CTNNA3: variants seen among roughly 807,000 people sequenced by gnomAD.
The protein encoded by CTNNA3 is catenin alpha 3.
A neutral mutation model predicts 95.7 loss-of-function variants in CTNNA3; 76 were observed. That is an observed-to-expected ratio of 0.79 (90% CI 0.66 to 0.96). CTNNA3 has a LOEUF of 0.96. CTNNA3 is among the 40% of genes least tolerant of loss of function. The pLI is 0.00. For synonymous variants in CTNNA3, 431 were observed against 374.4 expected, an observed-to-expected ratio of 1.15 and a Z score of -1.74; for missense variants, 1,191 against 1,089.8, an observed-to-expected ratio of 1.09 and a Z score of -1.31.
intron 7 of CTNNA3, among the ~76,000 whole-genome samples, chr10:66,918,911 A>T (rs1243054556): frequency 1.3e-5 from 2 of 151,966 alleles, no homozygotes; most frequent in African/African-American, 4.8e-5. Context: ...TGAGGCGGGC[A>T]GATCACAAGG....
intron 13 of CTNNA3, among the ~76,000 whole-genome samples, chr10:66,242,783 G>A (rs1320403685): frequency 6.6e-6 from 1 of 152,070 alleles, no homozygotes; most frequent in Non-Finnish European, 1.5e-5. Context: ...ATTTAAGCAG[G>A]AGAAATAAAA....
chr10:67,280,986 A>G (rs1458335869), intron 5 of CTNNA3, among the ~76,000 whole-genome samples: 2 of 152,158 alleles, frequency 1.3e-5, no homozygotes, highest in African/African-American at 4.8e-5. Context: ...GTCAATCATC[A>G]AAACATCAGA....
chr10:67,254,868 G>A (rs1278654831), intron 5 of CTNNA3, among the ~76,000 whole-genome samples: 1 of 152,144 alleles, frequency 6.6e-6, no homozygotes, highest in Admixed American at 6.5e-5. Context: ...GTTTTACAAT[G>A]AAATCGCCTA....
At chr10:66,277,720 G>C (rs2091424661) in intron 13 of CTNNA3, among the ~76,000 whole-genome samples, 1 of 152,124 alleles carries the variant, frequency 6.6e-6, no homozygotes, top group African/African-American at 2.4e-5. Context: ...GGGGTATAGA[G>C]ATAGAGACGA....
chr10:66,685,228 TAC>T lies in CTNNA3; in HGVS notation c.1282-63446_1282-63445del, dbSNP rs200258937. On this transcript the variant is annotated intron_variant, in intron 9 of 17. Transcript: ENST00000433211. ...ATACGTATATATATGTGTATATATATACGTATATATGTGTGTATATATACGTA... is the reference window on the plus strand; with the variant it reads ...ATACGTATATATATGTGTATATATATGTATATATGTGTGTATATATACGTA... Among the ~76,000 whole-genome samples the T allele has an allele frequency of 5.3e-3, 749 of 142,088 alleles. 10 individuals are homozygous for T. The highest frequency in any genetic ancestry group is 0.015 in the Admixed American group (206 of 13,928). The allele number at this position is 142,088 out of a possible 152,430, so 93.2% of individuals were successfully genotyped here. A position where few individuals can be genotyped will look rare whatever the true frequency, so the allele number is the denominator to read the frequency against.
At chr10:65,958,940 G>T (rs891608119) in intron 17 of CTNNA3, among the ~76,000 whole-genome samples, 1 of 152,194 alleles carries the variant, frequency 6.6e-6, no homozygotes, top group Non-Finnish European at 1.5e-5. Flanking sequence ...GGACGTTTAA[G>T]TCTGCAGAAG....
At chr10:66,049,604 A>T (rs2079905993) in intron 15 of CTNNA3, among the ~76,000 whole-genome samples, 1 of 152,236 alleles carries the variant, frequency 6.6e-6, no homozygotes, top group Non-Finnish European at 1.5e-5. Flanking sequence ...ACGTCATACT[A>T]TGAAGCAATA....
intron 7 of CTNNA3, chr10:66,926,451 C>A: frequency 1.0e-6 from 1 of 979,546 alleles, no homozygotes; most frequent in Non-Finnish European, 1.6e-6. Context: ...GTCCATCTCC[C>A]AAGGGGTCCA....
intron 12 of CTNNA3, among the ~76,000 whole-genome samples, chr10:66,324,907 T>TTTTTTTTTTTTTTTTTTTTTTTTTTTG (rs1401214070): frequency 3.3e-5 from 5 of 151,508 alleles, no homozygotes; most frequent in African/African-American, 1.2e-4. Flanking sequence ...ATCATAATTT[T>TTTTTTTTTTTTTTTTTTTTTTTTTTTG]ACAACAAAAC....
intron 5 of CTNNA3, among the ~76,000 whole-genome samples, chr10:67,356,848 C>CTT (rs1334988492): frequency 1.3e-5 from 2 of 152,118 alleles, no homozygotes; most frequent in Non-Finnish European, 2.9e-5. Context: ...CTAAATACAG[C>CTT]TTTCCACCCA....
At chr10:66,445,136 C>T (rs183340121) in intron 11 of CTNNA3, among the ~76,000 whole-genome samples, 126 of 151,970 alleles carry the variant, frequency 8.3e-4, no homozygotes, top group African/African-American at 2.9e-3. Context: ...CCTAAATATA[C>T]ATGCACCCAA....
At chr10:67,294,728 T>C (rs1298979482) in intron 5 of CTNNA3, among the ~76,000 whole-genome samples, 1 of 152,146 alleles carries the variant, frequency 6.6e-6, no homozygotes, top group Non-Finnish European at 1.5e-5. Flanking sequence ...TGATTTGATT[T>C]ATAAAAGTTT....
intron 11 of CTNNA3, among the ~76,000 whole-genome samples, chr10:66,443,295 C>A (rs1409170821): frequency 2.0e-5 from 3 of 152,194 alleles, no homozygotes; most frequent in Admixed American, 2.0e-4. Flanking sequence ...TGTCTGACAG[C>A]TTTGAAGAGA....
At chr10:66,198,991 C>G (rs1239801761) in intron 13 of CTNNA3, among the ~76,000 whole-genome samples, 2 of 152,142 alleles carry the variant, frequency 1.3e-5, no homozygotes, top group African/African-American at 2.4e-5. Context: ...GTGTGAGTAG[C>G]CAGCACTTGA....
At chr10:66,313,569 TA>T (rs1485405962) in intron 12 of CTNNA3, among the ~76,000 whole-genome samples, 2 of 152,192 alleles carry the variant, frequency 1.3e-5, no homozygotes, top group Non-Finnish European at 2.9e-5. Context: ...ACTCTCATCC[TA>T]AATGTCATCC....
At chr10:66,977,067 A>G (rs534023740) in intron 7 of CTNNA3, among the ~76,000 whole-genome samples, 1 of 152,314 alleles carries the variant, frequency 6.6e-6, no homozygotes, top group Admixed American at 6.5e-5. Context: ...TAAAATAATG[A>G]CCTAATATAA....
rs148582831 is a variant in CTNNA3 at position 67,755,131 on chromosome 10, C to T, written c.-2+8303G>A. Among the ~76,000 whole-genome samples the T allele has an allele frequency of 2.2e-4, 34 of 151,516 alleles. No individual in the cohort carries two copies. The East Asian group carries it at 6.4e-3, about 29-fold the overall frequency. ...TCACTTGAGCCCAAGAGTTCAAGGC[C>T]GCGGTGACCTATGATCACTCCACTG... On this transcript the variant is annotated intron_variant, in intron 1 of 17. Coordinates refer to the CTNNA3 transcript ENST00000684154.
rs60090636 is a variant in CTNNA3, at chr10:66,042,899, C to CAAAAAA, written c.2159+26403_2159+26408dup. ...TGGGTGACTGAGCGAGACTCTGTCT[C>CAAAAAA]AAAAAAAAAAAAAAAAAAAAAAAAA... On this transcript the variant is annotated intron_variant, in intron 15 of 17. Transcript: ENST00000433211. Among the ~76,000 whole-genome samples the CAAAAAA allele has an allele frequency of 3.3e-3, 165 of 50,396 alleles. 12 individuals carry two copies. The highest frequency in any genetic ancestry group is 4.0e-3 in the Non-Finnish European group (118 of 29,500). 33.1% of individuals were successfully genotyped at this position (50,396 alleles called of 152,430 possible). A position where few individuals can be genotyped will look rare whatever the true frequency, so the allele number is the denominator to read the frequency against.
At chr10:67,193,665 A>T (rs917757781) in intron 6 of CTNNA3, among the ~76,000 whole-genome samples, 13 of 152,068 alleles carry the variant, frequency 8.5e-5, no homozygotes, top group Non-Finnish European at 1.0e-4. Flanking sequence ...TGCAAAGGAC[A>T]TAATCTCACT....
Sources: allele counts gnomAD v4.1 joint callset (sites outside exome capture counted in the v4.1 genomes callset), GRCh38; gene constraint gnomAD v4.1.1; transcripts MANE v1.5; gene names NCBI Gene and HGNC (gene_info 2026-07-23, HGNC 2026-07-21).